VIL1: variants seen among roughly 807,000 people sequenced by gnomAD.
VIL1 encodes villin 1.
In VIL1, 86 loss-of-function variants were observed where a neutral mutation model predicts 104.0. The observed-to-expected ratio is 0.83, with a 90% CI of 0.69 to 0.99. The LOEUF (loss-of-function observed/expected upper bound fraction) is 0.99. Among genes scored for constraint, VIL1 ranks in the 50% least tolerant of loss-of-function variants. The pLI is 0.00. For synonymous variants in VIL1, 394 were observed against 412.6 expected, an observed-to-expected ratio of 0.95 and a Z score of 0.55; for missense variants, 944 against 1,054.1, an observed-to-expected ratio of 0.90 and a Z score of 1.45.
intron 19 of VIL1, among the ~76,000 whole-genome samples, chr2:218,446,702 TC>T (rs1427945701): frequency 3.3e-5 from 5 of 150,654 alleles, no homozygotes; most frequent in African/African-American, 1.2e-4. Context: ...CAAGGAATAC[TC>T]AAGGAAGAAA....
chr2:218,439,511 T>C (rs1278189309), intron 18 of VIL1, among the ~76,000 whole-genome samples: 2 of 152,080 alleles, frequency 1.3e-5, no homozygotes, highest in African/African-American at 4.8e-5. Flanking sequence ...CTTTGGTCTT[T>C]CAGTGAGTTA....
At chr2:218,429,707 G>T in intron 8 of VIL1, 32 bp downstream of exon 8, 11 of 1,613,198 alleles carry the variant, frequency 6.8e-6, no homozygotes, top group Non-Finnish European at 9.3e-6. Flanking sequence ...TCAGCCTACT[G>T]CAGCCTGGCC....
At chr2:218,425,963 A>G (rs1574812410) in intron 4 of VIL1, 152 bp downstream of exon 4, 1 of 768,570 alleles carries the variant, frequency 1.3e-6, no homozygotes, top group South Asian at 2.5e-5. Context: ...CGGGGAAGGG[A>G]CCCTGAAGCT....
chr2:218,422,247 C>T (rs1688908641), intron 1 of VIL1, among the ~76,000 whole-genome samples: 1 of 152,114 alleles, frequency 6.6e-6, no homozygotes, highest in Non-Finnish European at 1.5e-5. Context: ...AAGAGTGAAA[C>T]TCTGTCCCAA....
chr2:218,425,447 A>G (rs1688963733), intron 3 of VIL1, among the ~76,000 whole-genome samples, 168 bp from the exon 4 acceptor site: 1 of 152,210 alleles, frequency 6.6e-6, no homozygotes, highest in Non-Finnish European at 1.5e-5. Flanking sequence ...TCAGAGAGTC[A>G]ATGGTAGAGC....
At chr2:218,443,971 G>A (rs1210279626) in intron 19 of VIL1, among the ~76,000 whole-genome samples, 1 of 149,628 alleles carries the variant, frequency 6.7e-6, no homozygotes. Context: ...TGATTTTTTT[G>A]TTTTGTTTTT....
intron 16 of VIL1, among the ~76,000 whole-genome samples, 197 bp from the exon 17 acceptor site, chr2:218,436,927 C>G (rs1574817890): frequency 6.6e-6 from 1 of 152,158 alleles, no homozygotes; most frequent in Non-Finnish European, 1.5e-5. Context: ...GCAGAATATC[C>G]AAGTACAAGG....
At chr2:218,423,972 G>A in intron 2 of VIL1, 119 bp downstream of exon 2, 5 of 1,168,890 alleles carry the variant, frequency 4.3e-6, no homozygotes, top group Non-Finnish European at 6.2e-6. Flanking sequence ...GCCCCTGAGA[G>A]CTCAGCCCCT....
intron 1 of VIL1, among the ~76,000 whole-genome samples, chr2:218,421,411 G>C (rs143587737): frequency 8.0e-4 from 122 of 152,310 alleles, no homozygotes; most frequent in Non-Finnish European, 1.4e-3. Flanking sequence ...AGTACCAGGA[G>C]TGGAGGAAGC....
intron 19 of VIL1, among the ~76,000 whole-genome samples, chr2:218,447,986 G>A (rs1433626520): frequency 6.6e-6 from 1 of 152,212 alleles, no homozygotes; most frequent in East Asian, 1.9e-4. Flanking sequence ...CTGGCTGGGG[G>A]TGGTGGCTCA....
chr2:218,441,397 A>G (rs1390722090), intron 19 of VIL1, among the ~76,000 whole-genome samples: 1 of 152,034 alleles, frequency 6.6e-6, no homozygotes, highest in Non-Finnish European at 1.5e-5. Flanking sequence ...AAAAAAAGAA[A>G]AAAAAAAAAG....
rs1243336758 is a variant in VIL1, at chr2:218,428,127, G to C, written c.456+54G>C. On this transcript the variant is annotated intron_variant, in intron 5 of 19. Transcript: ENST00000248444. The stretch of plus-strand genomic sequence containing the variant: ...AGGGCTGTGAGGCCCAGGGTGGAGG[G>C]CAGGGGCTGAGGAGGGGTGAGGGGC... The C allele has an allele frequency of 2.5e-6, 4 of 1,603,556 alleles. No homozygotes were observed. In the Admixed American group the frequency reaches 6.7e-5, roughly 27 times the overall value.
intron 19 of VIL1, among the ~76,000 whole-genome samples, chr2:218,447,740 G>GT (rs71403038): frequency 0.035 from 5,225 of 148,482 alleles, 118 homozygotes; most frequent in East Asian, 0.12. Flanking sequence ...ACTTTGTTTT[G>GT]TTTTTTTTTT....
Position 218,429,955 on chromosome 2 carries a change from T to TGGGGGGGGG in VIL1, c.948+13_948+14insGGGGGGGGG. The stretch of plus-strand genomic sequence containing the variant: ...GCCATGAGCCATGCGCTGGTAGTGG[T>TGGGGGGGGG]GGGGGCGGGGGAGGGTCCAGGAGGA... On this transcript the variant is annotated intron_variant, in intron 9 of 19. Transcript: ENST00000248444. The TGGGGGGGGG allele has an allele frequency of 8.7e-6, 5 of 577,468 alleles. No homozygotes were observed. Among genetic ancestry groups the TGGGGGGGGG allele is most frequent in the Non-Finnish European group, 1.0e-5 (4 of 394,574 alleles). The allele number at this position is 577,468 out of a possible 1,614,324, so 35.8% of individuals were successfully genotyped here.
intron 19 of VIL1, among the ~76,000 whole-genome samples, chr2:218,444,500 G>A (rs1402641366): frequency 4.0e-5 from 6 of 150,830 alleles, no homozygotes; most frequent in East Asian, 4.0e-4. Context: ...GGATGGTCTC[G>A]ATCTCCCGAC....
At chr2:218,423,957 C>G (rs1441598057) in intron 2 of VIL1, 104 bp downstream of exon 2, 4 of 1,329,038 alleles carry the variant, frequency 3.0e-6, no homozygotes, top group Admixed American at 1.9e-5. Context: ...TGCTCCTGCC[C>G]TGAAGCCCCT....
rs1202783692 is a variant in VIL1 at position 218,431,933 on chromosome 2, AGAT to A, written c.1184_1186del (p.Asp395del). Reference sequence around the variant, plus strand: ...AGGTGGCTGCCCAGCAGAAGATGGTAGATGATGGGAGTGGGGAAGTGCAGGTAT... The same window carrying A: ...AGGTGGCTGCCCAGCAGAAGATGGTAGATGGGAGTGGGGAAGTGCAGGTAT... On this transcript the variant is annotated inframe_deletion, in exon 11 of 20. Coordinates refer to ENST00000248444, the MANE Select transcript of VIL1 (RefSeq NM_007127.3). The A allele has an allele frequency of 1.2e-6, 2 of 1,613,950 alleles. No individual in the cohort carries two copies. Among genetic ancestry groups the A allele is most frequent in the Admixed American group, 1.7e-5 (1 of 60,000 alleles).
At chr2:218,424,797 C>T (rs1288006774) in intron 3 of VIL1, among the ~76,000 whole-genome samples, 1 of 152,172 alleles carries the variant, frequency 6.6e-6, no homozygotes, top group East Asian at 1.9e-4. Context: ...GCTTGGACTA[C>T]AGGCACGTGC....
At position 218,424,260 on chromosome 2, in the gene VIL1, C is replaced by T. The variant is rs1187259219; in HGVS notation, c.76-17C>T. Reference sequence around the variant, plus strand: ...GGTGGTCCAGGGCAGCCCCTCTGACCCTCTTTCTCTCCTTAGGCCATGCAG... The same window carrying T: ...GGTGGTCCAGGGCAGCCCCTCTGACTCTCTTTCTCTCCTTAGGCCATGCAG... On this transcript the variant is annotated splice_polypyrimidine_tract_variant and intron_variant, in intron 2 of 19. Coordinates refer to ENST00000248444, the MANE Select transcript of VIL1 (RefSeq NM_007127.3). The T allele has an allele frequency of 1.9e-6, 3 of 1,613,304 alleles. No individual in the cohort carries two copies. The highest frequency in any genetic ancestry group is 1.7e-6 in the Non-Finnish European group (2 of 1,179,568).
Sources: allele counts gnomAD v4.1 joint callset (sites outside exome capture counted in the v4.1 genomes callset), GRCh38; gene constraint gnomAD v4.1.1; transcripts MANE v1.5; gene names NCBI Gene and HGNC (gene_info 2026-07-23, HGNC 2026-07-21).